Variants in CACNA2D1 observed in about 807,000 individuals in gnomAD.
CACNA2D1 encodes voltage-dependent calcium channel subunit alpha-2/delta-1.
Under a neutral mutation model 171.5 loss-of-function variants are expected in CACNA2D1, and 53 were observed. The ratio of observed to expected loss-of-function variants is 0.31; its 90% confidence interval spans 0.25 to 0.39. The LOEUF (loss-of-function observed/expected upper bound fraction) is 0.39, where lower values mean the gene tolerates loss of function less well. Ranked by LOEUF, CACNA2D1 falls within the 10% of genes least tolerant of loss-of-function variation. The probability of loss-of-function intolerance (pLI) is 1.00; values close to 1 mark genes in which losing one functional copy is unlikely to be tolerated. For synonymous variants in CACNA2D1, 442 were observed against 443.1 expected, an observed-to-expected ratio of 1.00 and a Z score of 0.03; for missense variants, 903 against 1,299.8, an observed-to-expected ratio of 0.69 and a Z score of 4.69.
intron 7 of CACNA2D1, among the ~76,000 whole-genome samples, chr7:82,076,737 A>G (rs1370374650): frequency 6.6e-6 from 1 of 152,160 alleles, no homozygotes; most frequent in Non-Finnish European, 1.5e-5. Context: ...CCTACACATT[A>G]AATCCCAAAC....
In CACNA2D1 at chr7:82,111,394, GTATATATATATTCATATATGTGTATATA is replaced by G. The variant is rs1199651780; in HGVS notation, c.526+5622_526+5649del. 7.2e-3 allele frequency among the ~76,000 whole-genome samples: 774 copies of G among 107,426 alleles called. 12 individuals are homozygous for G. The highest frequency in any genetic ancestry group is 0.015 in the East Asian group (52 of 3,432). 70.5% of individuals were successfully genotyped at this position (107,426 alleles called of 152,430 possible). The stretch of plus-strand genomic sequence containing the variant: ...TATATATTCATATATGTGTATATAT[GTATATATATATTCATATATGTGTATATA>G]TGTGTGTATATATATATATATATTT... On this transcript the variant is annotated intron_variant, in intron 6 of 38. Transcript: ENST00000356860.
At position 81,980,354 on chromosome 7, in the gene CACNA2D1, A is replaced by G. The variant is rs186333934; in HGVS notation, c.1955+2213T>C. ...ACTACTCAACCCTGTCTTTGTAGAA[A>G]AAGCAGCCAAAGACATTCCAGAAAC... On this transcript the variant is annotated intron_variant, in intron 24 of 38. Coordinates refer to ENST00000356860, the MANE Select transcript of CACNA2D1 (RefSeq NM_000722.4). Among the ~76,000 whole-genome samples, 21 of 152,114 alleles carry G rather than the reference A, an allele frequency of 1.4e-4. No individual in the cohort carries two copies. The East Asian group carries it at 3.9e-3, about 28-fold the overall frequency.
intron 24 of CACNA2D1, among the ~76,000 whole-genome samples, chr7:81,976,745 T>C (rs1473340740): frequency 1.3e-5 from 2 of 152,108 alleles, no homozygotes; most frequent in Non-Finnish European, 2.9e-5. Flanking sequence ...TCCCAGCTAC[T>C]TGGGAGGCTG....
intron 2 of CACNA2D1, among the ~76,000 whole-genome samples, chr7:82,344,215 G>A (rs923658523): frequency 6.6e-6 from 1 of 152,126 alleles, no homozygotes; most frequent in East Asian, 1.9e-4. Context: ...ATAATCACAA[G>A]TATTTCCATA....
intron 1 of CACNA2D1, among the ~76,000 whole-genome samples, chr7:82,404,261 TGAG>T (rs1336169605): frequency 2.0e-5 from 3 of 151,948 alleles, no homozygotes; most frequent in Non-Finnish European, 2.9e-5. Flanking sequence ...CTGGTTGCAA[TGAG>T]GACACAGAGT....
intron 20 of CACNA2D1, among the ~76,000 whole-genome samples, chr7:81,994,512 C>T (rs1797848829): frequency 6.6e-6 from 1 of 151,964 alleles, no homozygotes; most frequent in South Asian, 2.1e-4. Context: ...TAAATATTAA[C>T]TTCAATTTTG....
At chr7:82,217,874 T>A (rs1801326137) in intron 3 of CACNA2D1, among the ~76,000 whole-genome samples, 1 of 151,544 alleles carries the variant, frequency 6.6e-6, no homozygotes, top group African/African-American at 2.4e-5. Context: ...TTTTTTTTAA[T>A]GTGGGAGGCA....
intron 21 of CACNA2D1, among the ~76,000 whole-genome samples, chr7:81,988,746 T>C (rs1797229197): frequency 6.6e-6 from 1 of 152,186 alleles, no homozygotes. Flanking sequence ...AAATTGAAAT[T>C]CTTCAATTCT....
intron 1 of CACNA2D1, among the ~76,000 whole-genome samples, chr7:82,421,905 G>C (rs1828750754): frequency 6.6e-6 from 1 of 152,146 alleles, no homozygotes; most frequent in Non-Finnish European, 1.5e-5. Flanking sequence ...AATTTCCCAT[G>C]ATGCAATAAA....
intron 1 of CACNA2D1, among the ~76,000 whole-genome samples, chr7:82,418,581 C>T (rs1828413177): frequency 6.6e-6 from 1 of 152,098 alleles, no homozygotes; most frequent in African/African-American, 2.4e-5. Context: ...CTTCCATTTT[C>T]CCTCATGTAA....
chr7:82,055,873 C>G (rs1191077330), intron 10 of CACNA2D1, among the ~76,000 whole-genome samples: 2 of 147,054 alleles, frequency 1.4e-5, no homozygotes, highest in Admixed American at 1.4e-4. Context: ...TGTAACAAAC[C>G]TGCACATTGT....
intron 12 of CACNA2D1, among the ~76,000 whole-genome samples, chr7:82,017,360 A>G (rs1400884002): frequency 6.6e-6 from 1 of 152,174 alleles, no homozygotes; most frequent in Non-Finnish European, 1.5e-5. Context: ...TGTACATTTT[A>G]GCTAATTACA....
chr7:82,076,502 A>G (rs1428949004), intron 7 of CACNA2D1, among the ~76,000 whole-genome samples: 2 of 152,186 alleles, frequency 1.3e-5, no homozygotes, highest in Non-Finnish European at 2.9e-5. Context: ...GACACTCTAC[A>G]TCAGTCATTA....
intron 3 of CACNA2D1, among the ~76,000 whole-genome samples, chr7:82,241,086 T>G (rs1030375100): frequency 8.5e-5 from 13 of 152,332 alleles, no homozygotes; most frequent in African/African-American, 3.1e-4. Context: ...CACTCAGTCC[T>G]TAAATCATCT....
chr7:82,309,469 A>AT (rs1814149901), intron 3 of CACNA2D1, among the ~76,000 whole-genome samples: 1 of 147,092 alleles, frequency 6.8e-6, no homozygotes, highest in African/African-American at 2.6e-5. Flanking sequence ...TAATTCAGAC[A>AT]TTTTTGCCTG....
chr7:82,082,706 C>T (rs999162631), intron 7 of CACNA2D1, among the ~76,000 whole-genome samples: 2 of 150,578 alleles, frequency 1.3e-5, no homozygotes, highest in African/African-American at 2.4e-5. Context: ...ACTGGAAACC[C>T]GTCCCATCTT....
At chr7:82,179,541 A>G (rs1796901563) in intron 3 of CACNA2D1, among the ~76,000 whole-genome samples, 3 of 152,060 alleles carry the variant, frequency 2.0e-5, no homozygotes, top group Non-Finnish European at 4.4e-5. Context: ...TTGCATAACA[A>G]CCAAATTGCC....
Position 81,971,952 on chromosome 7 carries a change from TTAGAG to T in CACNA2D1, c.2054-93_2054-89del, listed in dbSNP as rs201109736. 676 of 814,076 alleles carry T rather than the reference TTAGAG, an allele frequency of 8.3e-4. 7 individuals carry two copies. In the African/African-American group the frequency reaches 0.01, roughly 12 times the overall value. 50.4% of individuals were successfully genotyped at this position (814,076 alleles called of 1,614,324 possible). A position where few individuals can be genotyped will look rare whatever the true frequency, so the allele number is the denominator to read the frequency against. On this transcript the variant is annotated intron_variant, in intron 25 of 38. Transcript: ENST00000356860. ...TATATTTTCTATTTCCAAAAGCAAT[TTAGAG>T]TAGATATTTCTATGAATTTTAAAAT...
chr7:82,356,338 G>A (rs1471527447), intron 1 of CACNA2D1, among the ~76,000 whole-genome samples: 1 of 151,968 alleles, frequency 6.6e-6, no homozygotes, highest in Non-Finnish European at 1.5e-5. Flanking sequence ...TCCACATTCT[G>A]CCTTTGCTCT....
Sources: gnomAD v4.1 joint callset for allele counts (sites outside exome capture counted in the v4.1 genomes callset) on GRCh38, gnomAD v4.1.1 for gene constraint, MANE v1.5 for transcripts, NCBI Gene and HGNC (gene_info 2026-07-23, HGNC 2026-07-21) for gene names.